Variants in NECTIN4 observed in about 807,000 individuals in gnomAD.
The protein encoded by NECTIN4 is nectin cell adhesion molecule 4.
Under a neutral mutation model 51.7 loss-of-function variants are expected in NECTIN4, and 19 were observed. The observed-to-expected ratio is 0.37, with a 90% CI of 0.26 to 0.54. The LOEUF (loss-of-function observed/expected upper bound fraction) is 0.54, where lower values mean the gene tolerates loss of function less well. Ranked by LOEUF, NECTIN4 falls within the 20% of genes least tolerant of loss-of-function variation. NECTIN4 has a pLI of 0.86. For missense variants in NECTIN4, 619 were observed against 662.4 expected, an observed-to-expected ratio of 0.93 and a Z score of 0.72; for synonymous variants, 283 against 286.9, an observed-to-expected ratio of 0.99 and a Z score of 0.14.
chr1:161,081,113 C>A (rs1460905740), intron 1 of NECTIN4, among the ~76,000 whole-genome samples: 2 of 152,120 alleles, frequency 1.3e-5, no homozygotes, highest in Non-Finnish European at 1.5e-5. Flanking sequence ...GTTTAGGAAG[C>A]AAAGAGGAGA....
At chr1:161,073,836 C>T in intron 6 of NECTIN4, 41 bp from the exon 7 acceptor site, 1 of 1,576,616 alleles carries the variant, frequency 6.3e-7, no homozygotes, top group Non-Finnish European at 8.7e-7. Flanking sequence ...AGGGTAGTGG[C>T]AGCCTCCCAA....
intron 2 of NECTIN4, 131 bp downstream of exon 2, chr1:161,079,459 G>C (rs1002243543): frequency 4.1e-5 from 51 of 1,231,928 alleles, no homozygotes; most frequent in Non-Finnish European, 5.2e-5. Context: ...GCTGGATGAA[G>C]CTCCCTCACC....
In NECTIN4 at chr1:161,072,537, C is replaced by G; in HGVS notation, c.*124G>C. 1.2e-6 allele frequency: 1 copy of G among 807,052 alleles called. No individual in the cohort carries two copies. The highest frequency in any genetic ancestry group is 2.5e-4 in the Middle Eastern group (1 of 3,936). 50.0% of individuals were successfully genotyped at this position (807,052 alleles called of 1,614,324 possible). The stretch of plus-strand genomic sequence containing the variant: ...AGAAGGGTTGGAGGTAAAGGTCAAG[C>G]AGTCAGTGGGATGGGGAGCATCTTC... On this transcript the variant is annotated 3_prime_UTR_variant, in exon 9 of 9. Coordinates refer to ENST00000368012, the MANE Select transcript of NECTIN4 (RefSeq NM_030916.3).
chr1:161,077,675 A>C lies in NECTIN4; in HGVS notation c.508T>G (p.Ser170Ala), dbSNP rs774478058. Residue 170 changes from serine to alanine, a missense_variant, in exon 3 of 9, where the codon TCC becomes GCC. Ser to Ala is a moderately conservative substitution (Grantham distance 99). Around this residue, in one of 3 missense-constraint regions of NECTIN4, gnomAD observed 37 missense variants for 60.3 expected, o/e 0.61. Coordinates refer to ENST00000368012, the MANE Select transcript of NECTIN4 (RefSeq NM_030916.3). ...EEGQGLTLAA[S>A]CTAEGSPAPS... ...GCTGGGCTGCCCTCAGCTGTGCAGGAGGCTGCCAGGGTCAGGCCCTGGCCC... is the reference window on the plus strand; with the variant it reads ...GCTGGGCTGCCCTCAGCTGTGCAGGCGGCTGCCAGGGTCAGGCCCTGGCCC... The C allele has an allele frequency of 6.2e-6, 10 of 1,613,138 alleles. No individual in the cohort carries two copies. In the South Asian group the frequency reaches 1.1e-4, roughly 18 times the overall value.
intron 6 of NECTIN4, 101 bp downstream of exon 6, chr1:161,074,116 G>A: frequency 6.8e-7 from 1 of 1,477,538 alleles, no homozygotes; most frequent in East Asian, 2.3e-5. Context: ...AAACTCCTCA[G>A]TTTTCAGCCT....
At position 161,089,298 on chromosome 1, in the gene NECTIN4, G is replaced by C. The variant is rs752198784; in HGVS notation, c.-2C>G. 6.2e-7 allele frequency: 1 copy of C among 1,608,986 alleles called. No homozygotes were observed. Among genetic ancestry groups the C allele is most frequent in the Non-Finnish European group, 8.5e-7 (1 of 1,179,818 alleles). On this transcript the variant is annotated 5_prime_UTR_variant, in exon 1 of 9. Coordinates refer to ENST00000368012, the MANE Select transcript of NECTIN4 (RefSeq NM_030916.3). The surrounding 1 kb of genome is among the most constrained non-coding windows in gnomAD (Gnocchi z 4.1). ...CTCGGCTCCCAGGGACAGGGGCATG[G>C]TTGAAAGGCAGACTGCCCAGCGTTT...
Position 161,073,656 on chromosome 1 carries a change from C to T in NECTIN4, c.1233+64G>A, listed in dbSNP as rs1189625325. 2.2e-5 allele frequency: 30 copies of T among 1,361,542 alleles called. No homozygotes were observed. The South Asian group carries it at 3.4e-4, about 15-fold the overall frequency. The allele number at this position is 1,361,542 out of a possible 1,614,324, so 84.3% of individuals were successfully genotyped here. A position where few individuals can be genotyped will look rare whatever the true frequency, so the allele number is the denominator to read the frequency against. On this transcript the variant is annotated intron_variant, in intron 7 of 8. Transcript: ENST00000368012. ...TGTGCTCCTGGTCTGCAGAGGGGCCCAGGCACAAGCAGACCCCAATGCGAC... is the reference window on the plus strand; with the variant it reads ...TGTGCTCCTGGTCTGCAGAGGGGCCTAGGCACAAGCAGACCCCAATGCGAC...
chr1:161,075,654 C>T (rs987516109), intron 4 of NECTIN4, among the ~76,000 whole-genome samples: 10 of 152,132 alleles, frequency 6.6e-5, no homozygotes, highest in African/African-American at 2.4e-4. Flanking sequence ...CACCTGTAAT[C>T]CCAGCTACTT....
At chr1:161,076,973 T>G (rs1003567504) in intron 3 of NECTIN4, among the ~76,000 whole-genome samples, 3 of 135,416 alleles carry the variant, frequency 2.2e-5, no homozygotes, top group African/African-American at 8.7e-5. Flanking sequence ...GCGCCTTCCA[T>G]GCGCTAAGCA....
At position 161,074,604 on chromosome 1, in the gene NECTIN4, T is replaced by C. The variant is rs1258731663; in HGVS notation, c.1000+7A>G. 6.2e-7 allele frequency: 1 copy of C among 1,614,218 alleles called. No individual in the cohort carries two copies. ...TCCTTACCAAGGACTTCTGCTCCAG[T>C]GCTTACCAAGAACATCCACAGTGAC... On this transcript the variant is annotated splice_region_variant and intron_variant, in intron 5 of 8. Transcript: ENST00000368012.
At chr1:161,080,696 C>G (rs1417509487) in intron 1 of NECTIN4, among the ~76,000 whole-genome samples, 3 of 152,068 alleles carry the variant, frequency 2.0e-5, no homozygotes, top group Non-Finnish European at 4.4e-5. Flanking sequence ...ACAACCGGGT[C>G]AGAATTGTAA....
intron 1 of NECTIN4, chr1:161,087,569 C>G (rs979413567): frequency 1.3e-5 from 2 of 151,118 alleles, no homozygotes; most frequent in African/African-American, 4.9e-5. Context: ...GTGAGAACAC[C>G]AAGACACTAA....
At chr1:161,079,230 T>C (rs1401719137) in intron 2 of NECTIN4, among the ~76,000 whole-genome samples, 1 of 152,188 alleles carries the variant, frequency 6.6e-6, no homozygotes, top group Non-Finnish European at 1.5e-5. Flanking sequence ...AAGTTTAGCT[T>C]GGAGAAGAGT....
At chr1:161,073,192 T>C (rs1226511621) in intron 8 of NECTIN4, 33 bp downstream of exon 8, 1 of 1,588,916 alleles carries the variant, frequency 6.3e-7, no homozygotes, top group Non-Finnish European at 8.6e-7. Context: ...CCGAGGAGAG[T>C]GGTGGGGACA....
chr1:161,079,805 CCTTCGCCCGCGT>C lies in NECTIN4; in HGVS notation c.212_223del (p.Asp71_Glu74del), dbSNP rs1490886209. The C allele has an allele frequency of 6.2e-7, 1 of 1,613,556 alleles. No individual in the cohort carries two copies. Among genetic ancestry groups the C allele is most frequent in the Middle Eastern group, 1.6e-4 (1 of 6,062 alleles). On this transcript the variant is annotated inframe_deletion, in exon 2 of 9. Coordinates refer to ENST00000368012, the MANE Select transcript of NECTIN4 (RefSeq NM_030916.3). ...GTGCAGTAGCGCTAGTTCCTGGGCG[CCTTCGCCCGCGT>C]CCACCCGAGCCCATGCCACTTGCCC...
chr1:161,072,383 C>T lies in NECTIN4; in HGVS notation c.*278G>A. 1.8e-6 allele frequency: 1 copy of T among 541,946 alleles called. No homozygotes were observed. The highest frequency in any genetic ancestry group is 5.0e-4 in the Middle Eastern group (1 of 1,984). 33.6% of individuals were successfully genotyped at this position (541,946 alleles called of 1,614,324 possible). On this transcript the variant is annotated 3_prime_UTR_variant, in exon 9 of 9. Coordinates refer to ENST00000368012, the MANE Select transcript of NECTIN4 (RefSeq NM_030916.3). ...ATAATACACACCACGGACACAGTCA[C>T]CCCTCCACGGACAGTCACCCCTCCA...
intron 1 of NECTIN4, among the ~76,000 whole-genome samples, chr1:161,081,493 G>A (rs1275597797): frequency 6.6e-6 from 1 of 152,170 alleles, no homozygotes; most frequent in Non-Finnish European, 1.5e-5. Context: ...AGGGCCTGAG[G>A]ATGTTCATTT....
chr1:161,074,153 C>T, intron 6 of NECTIN4, 64 bp downstream of exon 6: 3 of 1,604,844 alleles, frequency 1.9e-6, no homozygotes, highest in Non-Finnish European at 2.6e-6. Context: ...CCTGGCCCAC[C>T]TCCTGCTATC....
At chr1:161,076,601 A>T (rs564639302) in intron 3 of NECTIN4, 126 bp from the exon 4 acceptor site, 1 of 1,322,066 alleles carries the variant, frequency 7.6e-7, no homozygotes, top group South Asian at 1.2e-5. Context: ...CATCCTACTC[A>T]TCTGCTGCCA....
Sources: gnomAD v4.1 joint callset for allele counts (sites outside exome capture counted in the v4.1 genomes callset) on GRCh38, gnomAD v4.1.1 for gene constraint, gnomAD v4.1.1 regional missense constraint, Gnocchi (gnomAD v3.1) non-coding constraint, MANE v1.5 for transcripts, NCBI Gene and HGNC (gene_info 2026-07-23, HGNC 2026-07-21) for gene names.